The following UBN1 variants were observed in gnomAD, a reference collection of about 807,000 sequenced individuals.
UBN1 encodes ubinuclein 1.
UBN1 carries 17 observed loss-of-function variants against 108.5 expected under a neutral mutation model. The observed-to-expected ratio is 0.16, with a 90% CI of 0.11 to 0.24. UBN1 has a LOEUF of 0.24. UBN1 is among the 10% of genes least tolerant of loss of function. UBN1 has a pLI of 1.00. For missense variants in UBN1, 1,595 were observed against 1,394.4 expected (o/e 1.14, Z -2.29); for synonymous variants, 726 against 564.2 (o/e 1.29, Z -4.07).
In UBN1 at chr16:4,860,576, A is replaced by G. The variant is rs532501535; in HGVS notation, c.672-88A>G. Reference sequence around the variant, plus strand: ...ACTGTGACAGGTTCTCCTGGAGACCATGACCCTGGGAGCAGGGGTGAAGGC... The same window carrying G: ...ACTGTGACAGGTTCTCCTGGAGACCGTGACCCTGGGAGCAGGGGTGAAGGC... On this transcript the variant is annotated intron_variant, in intron 6 of 17. Transcript: ENST00000262376. 24 of 1,343,444 alleles carry G rather than the reference A, an allele frequency of 1.8e-5. No homozygotes were observed. In the African/African-American group the frequency reaches 2.0e-4, roughly 11 times the overall value. The allele number at this position is 1,343,444 out of a possible 1,614,324, so 83.2% of individuals were successfully genotyped here.
At position 4,858,008 on chromosome 16, in the gene UBN1, C is replaced by A; in HGVS notation, c.268C>A (p.Pro90Thr). ...PGDKKKDLSDPFNDEEKERHK... is the reference protein window; with the variant it reads ...PGDKKKDLSDTFNDEEKERHK... ...TTTACAGAAGAAAGATCTGTCAGAT[C>A]CTTTCAATGACGAAGAAAAGGAAAG... is the stretch of plus-strand genomic sequence containing the variant. The change falls in exon 3 of 18, where the codon CCT (proline) becomes ACT (threonine). Residue 90 changes from proline to threonine, a missense_variant. This residue lies in a region of UBN1 where 181 missense variants were observed against 157.3 expected (regional missense o/e 1.15). Coordinates refer to ENST00000262376, the MANE Select transcript of UBN1 (RefSeq NM_001079514.3). The A allele has an allele frequency of 6.2e-7, 1 of 1,612,670 alleles. No homozygotes were observed. The highest frequency in any genetic ancestry group is 8.5e-7 in the Non-Finnish European group (1 of 1,179,298).
At position 4,853,786 on chromosome 16, in the gene UBN1, T is replaced by C. The variant is rs2086666960; in HGVS notation, c.249+620T>C. Reference sequence around the variant, plus strand: ...TGTGTTGGCCAGGCTGGTCTCAAACTCCTGGCCTCAAGTGATCTGCCTGCC... The same window carrying C: ...TGTGTTGGCCAGGCTGGTCTCAAACCCCTGGCCTCAAGTGATCTGCCTGCC... On this transcript the variant is annotated intron_variant, in intron 2 of 17. Coordinates refer to ENST00000262376, the MANE Select transcript of UBN1 (RefSeq NM_001079514.3). Among the ~76,000 whole-genome samples, 4 of 152,094 alleles carry C rather than the reference T, an allele frequency of 2.6e-5. No individual in the cohort carries two copies. In the South Asian group the frequency reaches 8.3e-4, roughly 32 times the overall value.
intron 2 of UBN1, among the ~76,000 whole-genome samples, chr16:4,857,502 G>C (rs1356017327): frequency 6.6e-6 from 1 of 151,974 alleles, no homozygotes; most frequent in Non-Finnish European, 1.5e-5. Context: ...AGCACCGAGA[G>C]AAGTGCAAAT....
In UBN1 at chr16:4,858,089, TC is replaced by T; in HGVS notation, c.336+14del. On this transcript the variant is annotated intron_variant, in intron 3 of 17. Transcript: ENST00000262376. ...TGAAGAAAAATACGTAAGATTTCTC[TC>T]TTGAATAACAAAACAACCTCATTGG... 1.3e-6 allele frequency: 2 copies of T among 1,584,582 alleles called. No individual in the cohort carries two copies. Among genetic ancestry groups the T allele is most frequent in the Non-Finnish European group, 1.7e-6 (2 of 1,154,904 alleles).
chr16:4,855,576 A>G (rs1479010567), intron 2 of UBN1, among the ~76,000 whole-genome samples: 2 of 134,660 alleles, frequency 1.5e-5, no homozygotes, highest in Non-Finnish European at 3.1e-5. Context: ...TGATCACACC[A>G]CCGCACTGGG....
intron 14 of UBN1, 67 bp from the exon 15 acceptor site, chr16:4,874,144 C>A: frequency 2.0e-6 from 3 of 1,493,674 alleles, no homozygotes; most frequent in Non-Finnish European, 2.7e-6. Flanking sequence ...ATGTTTGTAT[C>A]CTCACAACAG....
chr16:4,872,149 G>T, intron 12 of UBN1: 2 of 978,596 alleles, frequency 2.0e-6, no homozygotes, highest in African/African-American at 1.7e-5. Context: ...TGTGCGGATA[G>T]ATCTTGGAAC....
chr16:4,877,344 G>A lies in UBN1; in HGVS notation c.3266-41G>A. The A allele has an allele frequency of 1.3e-6, 2 of 1,589,764 alleles. No homozygotes were observed. The highest frequency in any genetic ancestry group is 1.7e-6 in the Non-Finnish European group (2 of 1,165,792). On this transcript the variant is annotated intron_variant, in intron 16 of 17. Coordinates refer to ENST00000262376, the MANE Select transcript of UBN1 (RefSeq NM_001079514.3). This position sits in a 1 kb window ranked among gnomAD's most constrained non-coding sequence, Gnocchi z 4.3. Reference sequence around the variant, plus strand: ...CTGCTTTCCTGTTCCTGTCTTCAATGTGTGTGTTTTGTTCTTTTCTCCCCT... The same window carrying A: ...CTGCTTTCCTGTTCCTGTCTTCAATATGTGTGTTTTGTTCTTTTCTCCCCT...
At chr16:4,856,750 A>C (rs982474605) in intron 2 of UBN1, among the ~76,000 whole-genome samples, 2 of 152,216 alleles carry the variant, frequency 1.3e-5, no homozygotes, top group African/African-American at 4.8e-5. Flanking sequence ...GATTTCTTAC[A>C]GTTACATAAC....
chr16:4,864,871 A>G (rs781782151), intron 7 of UBN1, among the ~76,000 whole-genome samples: 2 of 152,350 alleles, frequency 1.3e-5, no homozygotes, highest in East Asian at 3.9e-4. Flanking sequence ...AGGGGGAAAA[A>G]AAACGAAAAC....
intron 15 of UBN1, among the ~76,000 whole-genome samples, chr16:4,875,908 G>T (rs1246933143): frequency 6.6e-6 from 1 of 151,956 alleles, no homozygotes; most frequent in African/African-American, 2.4e-5. Context: ...TCTCGCTTGT[G>T]TGTAATCACA....
chr16:4,860,508 G>A (rs2087010537), intron 6 of UBN1, among the ~76,000 whole-genome samples, 156 bp from the exon 7 acceptor site: 1 of 152,202 alleles, frequency 6.6e-6, no homozygotes, highest in African/African-American at 2.4e-5. Context: ...CAGCAAGAAC[G>A]AGCTCCATAT....
intron 7 of UBN1, among the ~76,000 whole-genome samples, chr16:4,867,175 G>A (rs774392039): frequency 5.9e-5 from 9 of 152,144 alleles, no homozygotes; most frequent in African/African-American, 1.2e-4. Context: ...AGGGAGTGGC[G>A]GTCTTAAGGT....
At chr16:4,863,953 T>C (rs771513253) in intron 7 of UBN1, among the ~76,000 whole-genome samples, 2 of 152,106 alleles carry the variant, frequency 1.3e-5, no homozygotes, top group Non-Finnish European at 2.9e-5. Context: ...CAGCACACTT[T>C]TGGTCAGAGC....
chr16:4,864,560 C>T lies in UBN1; in HGVS notation c.1110+3458C>T, dbSNP rs185910980. Among the ~76,000 whole-genome samples the T allele has an allele frequency of 4.9e-3, 748 of 152,244 alleles. 26 individuals are homozygous for T. Among genetic ancestry groups the T allele is most frequent in the Admixed American group, 0.045 (689 of 15,288 alleles). ...TGATTTGATGGCCTTACCCTGCCCT[C>T]TGTTAATATGCATTGATGGTGTCTT... is the stretch of plus-strand genomic sequence containing the variant. On this transcript the variant is annotated intron_variant, in intron 7 of 17. Coordinates refer to ENST00000262376, the MANE Select transcript of UBN1 (RefSeq NM_001079514.3).
Position 4,876,878 on chromosome 16 carries a change from C to T in UBN1, c.3032C>T (p.Ala1011Val). 2.5e-6 allele frequency: 4 copies of T among 1,590,428 alleles called. No homozygotes were observed. Among genetic ancestry groups the T allele is most frequent in the African/African-American group, 1.3e-5 (1 of 74,176 alleles). Residue 1011 changes from alanine (A) to valine (V), a missense_variant, in exon 16 of 18, where the codon GCG becomes GTG. Transcript: ENST00000262376. ...VTSSTSLSKGASGTVLLAGSS... is the reference protein window; with the variant it reads ...VTSSTSLSKGVSGTVLLAGSS... ...GCTGTGTTTCTTCCCTAGAAAGGAG[C>T]GAGTGGGACTGTGCTGCTGGCCGGC...
At chr16:4,869,213 G>C (rs1250119455) in intron 8 of UBN1, among the ~76,000 whole-genome samples, 2 of 152,178 alleles carry the variant, frequency 1.3e-5, no homozygotes, top group Non-Finnish European at 2.9e-5. Flanking sequence ...TGAGGAGAGA[G>C]AGAAGGTGTT....
intron 15 of UBN1, 30 bp downstream of exon 15, chr16:4,875,464 C>T (rs565718809): frequency 6.3e-7 from 1 of 1,578,838 alleles, no homozygotes; most frequent in Non-Finnish European, 8.6e-7. Context: ...GCCTGCCCTG[C>T]CCCACTCACA....
rs200541080 is a variant in UBN1, at chr16:4,874,566, C to G, written c.2156C>G (p.Ala719Gly). The G allele has an allele frequency of 6.2e-7, 1 of 1,614,198 alleles. No individual in the cohort carries two copies. The highest frequency in any genetic ancestry group is 8.5e-7 in the Non-Finnish European group (1 of 1,180,032). Reference protein sequence around the residue: ...VLCTEEKRNFAKPSPSAPPPA... With the variant: ...VLCTEEKRNFGKPSPSAPPPA... ...TGTACAGAAGAAAAAAGGAACTTTG[C>G]GAAGCCTAGTCCTTCTGCTCCACCA... Residue 719 changes from alanine to glycine, a missense_variant, in exon 15 of 18, where the codon GCG becomes GGG. Ala to Gly is a moderately conservative substitution (Grantham distance 60). Coordinates refer to ENST00000262376, the MANE Select transcript of UBN1 (RefSeq NM_001079514.3).
Sources: allele counts gnomAD v4.1 joint callset (sites outside exome capture counted in the v4.1 genomes callset), GRCh38; gene constraint gnomAD v4.1.1; regional missense constraint gnomAD v4.1.1; non-coding constraint Gnocchi (gnomAD v3.1); transcripts MANE v1.5; gene names NCBI Gene and HGNC (gene_info 2026-07-23, HGNC 2026-07-21).